BTD: variants seen among roughly 807,000 people sequenced by gnomAD.
The protein encoded by BTD is biocytinase.
A neutral mutation model predicts 17.7 loss-of-function variants in BTD; 13 were observed. The observed-to-expected ratio is 0.74, with a 90% CI of 0.48 to 1.17. The LOEUF is 1.17. BTD is among the 50% of genes most tolerant of loss of function. BTD has a pLI of 0.00. For synonymous variants in BTD, 240 were observed against 245.2 expected (o/e 0.98, Z 0.20); for missense variants, 674 against 650.4 (o/e 1.04, Z -0.39).
At chr3:15,625,472 G>A (rs73817029) in intron 1 of BTD, among the ~76,000 whole-genome samples, 4,319 of 152,266 alleles carry the variant, frequency 0.028, 196 homozygotes, top group African/African-American at 0.097. Flanking sequence ...AACTCCTAGA[G>A]GTAAAACCTA....
rs1429082403 is a variant in BTD at position 15,652,095 on chromosome 3, A to C, written c.*6607A>C. Among the ~76,000 whole-genome samples the C allele has an allele frequency of 6.6e-6, 1 of 152,234 alleles. No individual in the cohort carries two copies. Among genetic ancestry groups the C allele is most frequent in the Non-Finnish European group, 1.5e-5 (1 of 68,038 alleles). On this transcript the variant is annotated 3_prime_UTR_variant, in exon 4 of 4. Coordinates refer to ENST00000643237, the MANE Select transcript of BTD (RefSeq NM_001370658.1). Reference sequence around the variant, plus strand: ...TGTAATCCCAGCACTTTGGGAGGCCAAGCCTGGCGGATCACAAGGTTAGGA... The same window carrying C: ...TGTAATCCCAGCACTTTGGGAGGCCCAGCCTGGCGGATCACAAGGTTAGGA...
chr3:15,701,135 T>A (rs922750101), intron 3 of BTD, among the ~76,000 whole-genome samples: 1 of 152,178 alleles, frequency 6.6e-6, no homozygotes, highest in Non-Finnish European at 1.5e-5. Context: ...AACTGATCTT[T>A]CAGTAACTCT....
intron 3 of BTD, among the ~76,000 whole-genome samples, chr3:15,659,061 G>C (rs1029771754): frequency 4.6e-5 from 7 of 152,296 alleles, no homozygotes; most frequent in African/African-American, 1.7e-4. Context: ...CCTGGGGCTG[G>C]TGCTGAGCAA....
intron 3 of BTD, among the ~76,000 whole-genome samples, chr3:15,703,985 T>G (rs1280537138): frequency 6.6e-6 from 1 of 152,178 alleles, no homozygotes; most frequent in Non-Finnish European, 1.5e-5. Flanking sequence ...GAGGGGAATT[T>G]CTTCCTTATA....
rs1298839610 is a variant in BTD, at chr3:15,711,841, C to T, written c.*1767C>T. Among the ~76,000 whole-genome samples the T allele has an allele frequency of 2.0e-5, 3 of 148,556 alleles. No homozygotes were observed. The Admixed American group carries it at 2.1e-4, about 10-fold the overall frequency. ...AGCTGGGATTACAGGTGCTCACCACCACGCCCAGCTAATTTTTTTTTGTAT... is the reference window on the plus strand; with the variant it reads ...AGCTGGGATTACAGGTGCTCACCACTACGCCCAGCTAATTTTTTTTTGTAT... On this transcript the variant is annotated 3_prime_UTR_variant, in exon 4 of 4. Transcript: ENST00000672141.
At chr3:15,680,144 C>T (rs2067386839) in intron 3 of BTD, among the ~76,000 whole-genome samples, 1 of 152,020 alleles carries the variant, frequency 6.6e-6, no homozygotes, top group Non-Finnish European at 1.5e-5. Flanking sequence ...ATGTTTAATT[C>T]CGCAACTTGC....
chr3:15,705,593 T>C (rs2071243458), intron 3 of BTD, among the ~76,000 whole-genome samples: 1 of 152,246 alleles, frequency 6.6e-6, no homozygotes, highest in African/African-American at 2.4e-5. Context: ...TATCCAAGTT[T>C]ACCAAAATAT....
chr3:15,638,358 A>G (rs1262811778), intron 2 of BTD, among the ~76,000 whole-genome samples: 2 of 152,128 alleles, frequency 1.3e-5, no homozygotes, highest in Non-Finnish European at 2.9e-5. Flanking sequence ...GCCTCCAGAG[A>G]AATCCCAGAA....
rs565049809 is a variant in BTD at position 15,687,749 on chromosome 3, C to T, written c.400-22311C>T. On this transcript the variant is annotated intron_variant, in intron 3 of 3. Transcript: ENST00000672141. ...TGCACTCTGCCAGCAGCTCTCACAG[C>T]TTAGCAACAAAAAACAGGGTCGTAA... Among the ~76,000 whole-genome samples the T allele has an allele frequency of 7.2e-5, 11 of 152,260 alleles. No homozygotes were observed. The East Asian group carries it at 2.1e-3, about 29-fold the overall frequency.
intron 2 of BTD, among the ~76,000 whole-genome samples, chr3:15,641,518 G>C (rs1211358423): frequency 2.6e-5 from 4 of 152,188 alleles, no homozygotes; most frequent in Admixed American, 6.5e-5. Flanking sequence ...GTGTGTTAAT[G>C]GGCCCAATGT....
intron 3 of BTD, chr3:15,676,796 A>G (rs959530504): frequency 5.9e-5 from 28 of 472,380 alleles, no homozygotes; most frequent in African/African-American, 5.4e-4. Context: ...AAGCATTTTA[A>G]ATAATATGGC....
intron 3 of BTD, among the ~76,000 whole-genome samples, chr3:15,691,571 T>C (rs1485147794): frequency 1.3e-5 from 2 of 152,232 alleles, no homozygotes; most frequent in South Asian, 4.1e-4. Context: ...AGGACTATAA[T>C]GCCATTTCTT....
chr3:15,642,344 A>G, intron 3 of BTD: 1 of 1,144,774 alleles, frequency 8.7e-7, no homozygotes. Context: ...GTTCATCTTC[A>G]CCACAGCCTG....
chr3:15,714,760 TA>T, downstream of BTD: 1 of 772,174 alleles, frequency 1.3e-6, no homozygotes, highest in Non-Finnish European at 1.9e-6. Context: ...ATAACTATTT[TA>T]CATGAATTAA....
chr3:15,689,075 T>G (rs1285463976), intron 3 of BTD, among the ~76,000 whole-genome samples: 1 of 152,228 alleles, frequency 6.6e-6, no homozygotes, highest in Non-Finnish European at 1.5e-5. Flanking sequence ...GATAGTCTTG[T>G]TGTTGGTATT....
chr3:15,668,751 C>T (rs1188515804), intron 3 of BTD: 1 of 152,560 alleles, frequency 6.6e-6, no homozygotes, highest in Non-Finnish European at 1.5e-5. Context: ...ACAAAATTAT[C>T]AAATAGATCA....
chr3:15,622,123 TTCTCTATTGA>T, intron 1 of BTD, among the ~76,000 whole-genome samples: 1 of 152,186 alleles, frequency 6.6e-6, no homozygotes. Context: ...AGTTTCATTT[TTCTCTATTGA>T]TCTCCTGCTT....
At chr3:15,698,272 C>T (rs2069984294) in intron 3 of BTD, among the ~76,000 whole-genome samples, 4 of 152,172 alleles carry the variant, frequency 2.6e-5, no homozygotes, top group Admixed American at 2.6e-4. Flanking sequence ...GACAAACCCA[C>T]AGCCAATATC....
intron 1 of BTD, among the ~76,000 whole-genome samples, chr3:15,605,640 T>A (rs2064426370): frequency 6.6e-6 from 1 of 152,212 alleles, no homozygotes; most frequent in East Asian, 1.9e-4. Context: ...AGATTTTAAA[T>A]GTTAGATGAG....
Sources: gnomAD v4.1 joint callset for allele counts (sites outside exome capture counted in the v4.1 genomes callset) on GRCh38, gnomAD v4.1.1 for gene constraint, MANE v1.5 for transcripts, NCBI Gene and HGNC (gene_info 2026-07-23, HGNC 2026-07-21) for gene names.